Variants in USP22 observed in about 807,000 individuals in gnomAD.
USP22 encodes ubiquitin carboxyl-terminal hydrolase 22.
USP22 carries 22 observed loss-of-function variants against 68.1 expected under a neutral mutation model. The observed-to-expected ratio is 0.32, with a 90% CI of 0.23 to 0.46. USP22 has a LOEUF of 0.46. Ranked by LOEUF, USP22 falls within the 20% of genes least tolerant of loss-of-function variation. The pLI, the probability that USP22 is intolerant of heterozygous loss-of-function variation, is 1.00. For synonymous variants in USP22, 279 were observed against 274.2 expected, an observed-to-expected ratio of 1.02 and a Z score of -0.17; for missense variants, 433 against 695.8, an observed-to-expected ratio of 0.62 and a Z score of 4.25.
Position 21,027,350 on chromosome 17 carries a change from G to A in USP22, c.304+1192C>T, listed in dbSNP as rs142599306. 3.0e-3 allele frequency among the ~76,000 whole-genome samples: 449 copies of A among 148,682 alleles called. 5 individuals carry two copies. The highest frequency in any genetic ancestry group is 0.01 in the African/African-American group (413 of 40,432). On this transcript the variant is annotated intron_variant, in intron 2 of 12. Transcript: ENST00000261497. Reference sequence around the variant, plus strand: ...TGTGTCGTCAGCCTCAGTTAAAGCCGTGGGTCTTATCCTTTACTACGAGTA... The same window carrying A: ...TGTGTCGTCAGCCTCAGTTAAAGCCATGGGTCTTATCCTTTACTACGAGTA...
intron 1 of USP22, among the ~76,000 whole-genome samples, chr17:21,034,873 T>C (rs145275549): frequency 1.6e-3 from 251 of 152,290 alleles, no homozygotes; most frequent in African/African-American, 5.8e-3. Context: ...AGATCTACAG[T>C]AAGAACAAAT....
At chr17:21,019,343 G>A (rs1421046025) in intron 3 of USP22, among the ~76,000 whole-genome samples, 158 bp from the exon 4 acceptor site, 1 of 152,238 alleles carries the variant, frequency 6.6e-6, no homozygotes, top group African/African-American at 2.4e-5. Context: ...TGTGCTGAGA[G>A]GGGCTACACA....
rs1913646696 is a variant in USP22 at position 21,003,063 on chromosome 17, A to C, written c.1546T>G (p.Phe516Val). The part of the protein sequence containing the change: ...DVLDSEGYLL[F>V]YHKQFLEYE ...TATTCCAGGAACTGTTTGTGATAGA[A>C]CAGCAAGTACCTGTGGAGGCAGAGA... The change falls in exon 13 of 13, where the codon TTC (phenylalanine) becomes GTC (valine). Residue 516 changes from phenylalanine (F) to valine (V), a missense_variant. By Grantham distance (50) the Phe-to-Val change is conservative. Transcript: ENST00000261497. 1 of 1,613,868 alleles carries C rather than the reference A, an allele frequency of 6.2e-7. No individual in the cohort carries two copies. Among genetic ancestry groups the C allele is most frequent in the African/African-American group, 1.3e-5 (1 of 74,928 alleles).
intron 1 of USP22, among the ~76,000 whole-genome samples, chr17:21,038,773 C>G (rs912102266): frequency 6.6e-6 from 1 of 152,030 alleles, no homozygotes; most frequent in Non-Finnish European, 1.5e-5. Flanking sequence ...AAAACATTAC[C>G]TGTTCTCCAA....
intron 1 of USP22, among the ~76,000 whole-genome samples, chr17:21,035,831 C>A (rs373536794): frequency 1.4e-4 from 21 of 151,754 alleles, no homozygotes; most frequent in African/African-American, 4.8e-4. Flanking sequence ...GAGATCGAGA[C>A]CATCCTGGCT....
At chr17:21,014,090 A>C (rs1477011605) in intron 6 of USP22, among the ~76,000 whole-genome samples, 2 of 152,176 alleles carry the variant, frequency 1.3e-5, no homozygotes, top group Non-Finnish European at 2.9e-5. Context: ...AAACAAAACA[A>C]AACAAAAGAT....
chr17:21,008,611 G>T (rs1403572181), intron 8 of USP22, among the ~76,000 whole-genome samples: 1 of 152,196 alleles, frequency 6.6e-6, no homozygotes, highest in Non-Finnish European at 1.5e-5. Context: ...TACAGAGTGG[G>T]TGGTGAGGGA....
chr17:21,021,672 G>C (rs1466242465), intron 2 of USP22, among the ~76,000 whole-genome samples: 1 of 152,162 alleles, frequency 6.6e-6, no homozygotes, highest in Non-Finnish European at 1.5e-5. Flanking sequence ...TTTGTGGTTG[G>C]CGGCATTTGC....
chr17:21,039,395 T>C, intron 1 of USP22, among the ~76,000 whole-genome samples: 1 of 151,578 alleles, frequency 6.6e-6, no homozygotes, highest in Admixed American at 6.6e-5. Context: ...CTGACCAACA[T>C]GAAGAAACCC....
chr17:21,037,485 C>G (rs1328733607), intron 1 of USP22, among the ~76,000 whole-genome samples: 1 of 152,228 alleles, frequency 6.6e-6, no homozygotes, highest in East Asian at 1.9e-4. Flanking sequence ...GGCACTTCAT[C>G]TCCCTGGTCT....
intron 1 of USP22, among the ~76,000 whole-genome samples, chr17:21,039,352 C>G (rs563708128): frequency 6.6e-6 from 1 of 151,300 alleles, no homozygotes; most frequent in East Asian, 2.0e-4. Context: ...CCAAGATGGG[C>G]GGATCACCTG....
intron 8 of USP22, among the ~76,000 whole-genome samples, chr17:21,009,164 G>C (rs867445491): frequency 4.6e-5 from 7 of 151,760 alleles, no homozygotes; most frequent in Middle Eastern, 3.5e-3. Flanking sequence ...AGAGGCAGGA[G>C]GTAGGAGGGC....
rs9890277 is a variant in USP22, at chr17:21,020,615, G to A, written c.418+498C>T. The stretch of plus-strand genomic sequence containing the variant: ...AAGAGATTCTACCACAACTTGATCC[G>A]AAAATAGTCTGCTCTCCTGGGAGGA... On this transcript the variant is annotated intron_variant, in intron 3 of 12. Transcript: ENST00000261497. 9.0e-3 allele frequency among the ~76,000 whole-genome samples: 1,375 copies of A among 152,300 alleles called. 27 individuals carry two copies. The highest frequency in any genetic ancestry group is 0.031 in the African/African-American group (1,290 of 41,544).
chr17:21,013,306 C>T (rs887366009), intron 6 of USP22, among the ~76,000 whole-genome samples: 6 of 152,268 alleles, frequency 3.9e-5, no homozygotes, highest in Admixed American at 6.5e-5. Flanking sequence ...CAGGTACACC[C>T]GGGGAAGCCC....
At chr17:21,006,725 A>G (rs1203094744) in intron 10 of USP22, 171 bp downstream of exon 10, 3 of 413,734 alleles carry the variant, frequency 7.3e-6, no homozygotes, top group African/African-American at 6.2e-5. Flanking sequence ...TGATGGTCTC[A>G]ATCTGTTGAC....
intron 11 of USP22, among the ~76,000 whole-genome samples, 175 bp downstream of exon 11, chr17:21,004,753 G>A (rs946294048): frequency 5.3e-5 from 8 of 152,190 alleles, no homozygotes; most frequent in Non-Finnish European, 7.3e-5. Flanking sequence ...GTGGCACCAC[G>A]TGGAGCGGCC....
rs772081284 is a variant in USP22 at position 21,019,068 on chromosome 17, G to A, written c.520+16C>T. ...GGAAAGAAGCCTAGCTGAGAGTGAC[G>A]ACACGCTCCACCCACCTATGGTGCA... On this transcript the variant is annotated intron_variant, in intron 4 of 12. Transcript: ENST00000261497. 18 of 1,612,862 alleles carry A rather than the reference G, an allele frequency of 1.1e-5. No homozygotes were observed. The highest frequency in any genetic ancestry group is 2.2e-5 in the East Asian group (1 of 44,880).
At chr17:21,028,386 G>T (rs969837503) in intron 2 of USP22, among the ~76,000 whole-genome samples, 156 bp downstream of exon 2, 1 of 152,116 alleles carries the variant, frequency 6.6e-6, no homozygotes, top group Non-Finnish European at 1.5e-5. Flanking sequence ...AGCTCGGCTT[G>T]TCCCTTTCAC....
At chr17:21,005,153 T>C in intron 10 of USP22, 163 bp from the exon 11 acceptor site, 1 of 818,070 alleles carries the variant, frequency 1.2e-6, no homozygotes, top group South Asian at 1.7e-5. Flanking sequence ...GTGAGGACAC[T>C]GACGCTCAAG....
Sources: allele counts gnomAD v4.1 joint callset (sites outside exome capture counted in the v4.1 genomes callset), GRCh38; gene constraint gnomAD v4.1.1; transcripts MANE v1.5; gene names NCBI Gene and HGNC (gene_info 2026-07-23, HGNC 2026-07-21).